The following ATP2A1 variants were observed in gnomAD, a reference collection of about 807,000 sequenced individuals.
ATP2A1 encodes sarcoplasmic/endoplasmic reticulum calcium ATPase 1.
In ATP2A1, 83 loss-of-function variants were observed where a neutral mutation model predicts 109.5. That is an observed-to-expected ratio of 0.76 (90% confidence interval 0.63 to 0.91). The LOEUF (loss-of-function observed/expected upper bound fraction) is 0.91, where lower values mean the gene tolerates loss of function less well. ATP2A1 is among the 40% of genes least tolerant of loss of function. The pLI is 0.00. For synonymous variants in ATP2A1, 505 were observed against 537.6 expected, an observed-to-expected ratio of 0.94 and a Z score of 0.84; for missense variants, 1,101 against 1,341.0, an observed-to-expected ratio of 0.82 and a Z score of 2.80.
intron 15 of ATP2A1, among the ~76,000 whole-genome samples, chr16:28,901,478 C>A (rs1964070858): frequency 6.6e-6 from 1 of 151,794 alleles, no homozygotes; most frequent in African/African-American, 2.4e-5. Context: ...CCAAAAAATA[C>A]AAAAATTGGC....
chr16:28,886,744 T>G (rs1963620825), intron 6 of ATP2A1, among the ~76,000 whole-genome samples: 1 of 150,084 alleles, frequency 6.7e-6, no homozygotes, highest in African/African-American at 2.5e-5. Flanking sequence ...CCCAGCACTT[T>G]GGGAGGCTGA....
rs1963653671 is a variant in ATP2A1, at chr16:28,887,732, C to G, written c.928+10C>G. 6.2e-7 allele frequency: 1 copy of G among 1,613,350 alleles called. No individual in the cohort carries two copies. The highest frequency in any genetic ancestry group is 8.5e-7 in the Non-Finnish European group (1 of 1,179,912). ...GCTGCCATCCCCGAAGGTATGAAAG[C>G]CTTTCTTTTCTCCTCCCATTTGCTA... is the stretch of plus-strand genomic sequence containing the variant. On this transcript the variant is annotated intron_variant, in intron 8 of 22. Transcript: ENST00000395503.
In ATP2A1 at chr16:28,878,537, A is replaced by T. The variant is rs888059335; in HGVS notation, c.-135A>T. The stretch of plus-strand genomic sequence containing the variant: ...GGTCAGAGCTTTGTGGAGGGAAGAA[A>T]AACCTGGAGGGGGCAGGAGAGTAAA... On this transcript the variant is annotated 5_prime_UTR_variant, in exon 1 of 23. Coordinates refer to ENST00000395503, the MANE Select transcript of ATP2A1 (RefSeq NM_004320.6). The T allele has an allele frequency of 1.2e-6, 1 of 823,118 alleles. No homozygotes were observed. The allele number at this position is 823,118 out of a possible 1,614,324, so 51.0% of individuals were successfully genotyped here. A position where few individuals can be genotyped will look rare whatever the true frequency, so the allele number is the denominator to read the frequency against.
chr16:28,902,952 C>T lies in ATP2A1; in HGVS notation c.2744+41C>T, dbSNP rs148516537. 4.1e-4 allele frequency: 655 copies of T among 1,613,608 alleles called. 9 individuals are homozygous for T. In the African/African-American group the frequency reaches 7.9e-3, roughly 19 times the overall value. On this transcript the variant is annotated intron_variant, in intron 19 of 22. Coordinates refer to ENST00000395503, the MANE Select transcript of ATP2A1 (RefSeq NM_004320.6). This position sits in a 1 kb window ranked among gnomAD's most constrained non-coding sequence, Gnocchi z 4.8. ...CTACACCCACCACCCTCCCCTGAGGCCACTGCCCACATCCTCCACTGTGCC... is the reference window on the plus strand; with the variant it reads ...CTACACCCACCACCCTCCCCTGAGGTCACTGCCCACATCCTCCACTGTGCC...
chr16:28,884,464 G>A, intron 5 of ATP2A1, 111 bp from the exon 6 acceptor site: 1 of 1,083,642 alleles, frequency 9.2e-7, no homozygotes, highest in South Asian at 1.3e-5. Context: ...GAGCCTCCCT[G>A]AGACCTGAAG....
At chr16:28,892,008 A>G (rs1963786184) in intron 9 of ATP2A1, among the ~76,000 whole-genome samples, 1 of 152,210 alleles carries the variant, frequency 6.6e-6, no homozygotes. Context: ...ACAACTTTGT[A>G]ATTTGGCAAC....
Position 28,894,493 on chromosome 16 carries a change from C to T in ATP2A1, c.1185-12C>T. 2 of 1,612,906 alleles carry T rather than the reference C, an allele frequency of 1.2e-6. No homozygotes were observed. Among genetic ancestry groups the T allele is most frequent in the Non-Finnish European group, 1.7e-6 (2 of 1,179,550 alleles). ...CTGTCTCTGTCCCTTCCTCCCCTGA[C>T]CCTGCTGCCAGCTTGAAGAATGATA... is the stretch of plus-strand genomic sequence containing the variant. On this transcript the variant is annotated splice_polypyrimidine_tract_variant and intron_variant, in intron 10 of 22. Coordinates refer to ENST00000395503, the MANE Select transcript of ATP2A1 (RefSeq NM_004320.6).
chr16:28,893,839 G>A (rs1040365637), intron 9 of ATP2A1, among the ~76,000 whole-genome samples: 1 of 151,818 alleles, frequency 6.6e-6, no homozygotes, highest in Non-Finnish European at 1.5e-5. Context: ...TAGTAGAGAC[G>A]GTTTCATCAT....
chr16:28,879,870 A>C, intron 3 of ATP2A1: 1 of 569,760 alleles, frequency 1.8e-6, no homozygotes, highest in Non-Finnish European at 2.5e-6. Context: ...TACCCACCCG[A>C]ACTCCGGGCT....
chr16:28,880,967 C>A lies in ATP2A1; in HGVS notation c.272C>A (p.Pro91His). 1 of 1,614,176 alleles carries A rather than the reference C, an allele frequency of 6.2e-7. No homozygotes were observed. Among genetic ancestry groups the A allele is most frequent in the Non-Finnish European group, 8.5e-7 (1 of 1,180,034 alleles). The change falls in exon 4 of 23, where the codon CCC becomes CAC. Residue 91 changes from proline to histidine, a missense_variant. Coordinates refer to ENST00000395503, the MANE Select transcript of ATP2A1 (RefSeq NM_004320.6). The surrounding 1 kb of genome is among the most constrained non-coding windows in gnomAD (Gnocchi z 4.2). The part of the protein sequence containing the change: ...GEETITAFVE[P>H]FVILLILIAN... Reference sequence around the variant, plus strand: ...GAGACCATCACTGCCTTTGTTGAACCCTTTGTCATCCTCTTGATCCTCATT... The same window carrying A: ...GAGACCATCACTGCCTTTGTTGAACACTTTGTCATCCTCTTGATCCTCATT...
Position 28,903,609 on chromosome 16 carries a change from C to A in ATP2A1, c.2981-91C>A. ...TGCAGGGGCCACATCTCCGGGGCAG[C>A]CCCACTGCCTCCTCAGCCCCCACAG... On this transcript the variant is annotated intron_variant, in intron 21 of 22. Transcript: ENST00000395503. This position sits in a 1 kb window ranked among gnomAD's most constrained non-coding sequence, Gnocchi z 5.6. 2 of 1,217,038 alleles carry A rather than the reference C, an allele frequency of 1.6e-6. No individual in the cohort carries two copies. Among genetic ancestry groups the A allele is most frequent in the Non-Finnish European group, 2.4e-6 (2 of 817,894 alleles). 75.4% of individuals were successfully genotyped at this position (1,217,038 alleles called of 1,614,324 possible). A position where few individuals can be genotyped will look rare whatever the true frequency, so the allele number is the denominator to read the frequency against.
At chr16:28,901,374 G>A (rs1169166063) in intron 15 of ATP2A1, among the ~76,000 whole-genome samples, 1 of 148,864 alleles carries the variant, frequency 6.7e-6, no homozygotes, top group African/African-American at 2.5e-5. Flanking sequence ...GCTCATGCCT[G>A]TAATCCCAGA....
rs1170462976 is a variant in ATP2A1, at chr16:28,881,032, C to T, written c.324+13C>T. 5 of 1,609,362 alleles carry T rather than the reference C, an allele frequency of 3.1e-6. No homozygotes were observed. In the South Asian group the frequency reaches 5.5e-5, roughly 18 times the overall value. The stretch of plus-strand genomic sequence containing the variant: ...GGGGGTTTGGCAGGTTAGCGTTGAC[C>T]CTTCCTTACCCCTTCATGTCCCAAC... On this transcript the variant is annotated intron_variant, in intron 4 of 22. Transcript: ENST00000395503.
At chr16:28,892,131 A>C (rs1963788859) in intron 9 of ATP2A1, among the ~76,000 whole-genome samples, 1 of 152,206 alleles carries the variant, frequency 6.6e-6, no homozygotes, top group African/African-American at 2.4e-5. Context: ...AGAGATCTGC[A>C]ACAGTGGTAA....
rs1488302670 is a variant in ATP2A1, at chr16:28,879,485, T to TTGCCTCCTCCCCC, written c.137-15_137-3dup. On this transcript the variant is annotated splice_polypyrimidine_tract_variant and intron_variant, in intron 2 of 22. Transcript: ENST00000395503. Reference sequence around the variant, plus strand: ...TAGACCTTAACCCGGGGCCCTCCCCTTGCCTCCTCCCCCAGGGAAGACCCT... The same window carrying TTGCCTCCTCCCCC: ...TAGACCTTAACCCGGGGCCCTCCCCTTGCCTCCTCCCCCTGCCTCCTCCCCCAGGGAAGACCCT... 6.2e-7 allele frequency: 1 copy of TTGCCTCCTCCCCC among 1,613,120 alleles called. No individual in the cohort carries two copies. Among genetic ancestry groups the TTGCCTCCTCCCCC allele is most frequent in the Admixed American group, 1.7e-5 (1 of 60,002 alleles).
In ATP2A1 at chr16:28,902,262, C is replaced by T. The variant is rs756299309; in HGVS notation, c.2400C>T (p.Asp800=). Residue 800 remains aspartate, a synonymous_variant, in exon 17 of 23, where the codon GAC becomes GAT. Coordinates refer to ENST00000395503, the MANE Select transcript of ATP2A1 (RefSeq NM_004320.6). This position sits in a 1 kb window ranked among gnomAD's most constrained non-coding sequence, Gnocchi z 4.8. ...TGCTATGGGTGAACTTGGTGACCGA[C>T]GGGCTCCCAGCCACAGCCCTGGGCT... ...VQLLWVNLVT[D]GLPATALGFN... 7.1e-5 allele frequency: 114 copies of T among 1,614,014 alleles called. No individual in the cohort carries two copies. The highest frequency in any genetic ancestry group is 8.6e-5 in the Non-Finnish European group (102 of 1,180,022).
At chr16:28,882,319 A>G in intron 4 of ATP2A1, 132 bp from the exon 5 acceptor site, 1 of 1,352,908 alleles carries the variant, frequency 7.4e-7, no homozygotes, top group African/African-American at 1.4e-5. Flanking sequence ...TTTCACCTGT[A>G]GGTGACAGTT....
intron 12 of ATP2A1, among the ~76,000 whole-genome samples, chr16:28,895,782 G>A (rs2152210268): frequency 6.6e-6 from 1 of 152,160 alleles, no homozygotes; most frequent in East Asian, 1.9e-4. Context: ...GAGGACTGCT[G>A]GAGCCCAGGA....
In ATP2A1 at chr16:28,902,441, T is replaced by C; in HGVS notation, c.2524+55T>C. On this transcript the variant is annotated intron_variant, in intron 17 of 22. Coordinates refer to ENST00000395503, the MANE Select transcript of ATP2A1 (RefSeq NM_004320.6). This position sits in a 1 kb window ranked among gnomAD's most constrained non-coding sequence, Gnocchi z 4.8. ...CACCCCTTGGGACTAACCCCCTCTC[T>C]GGGACACCAGCTCCCCCATGCAGGT... The C allele has an allele frequency of 6.3e-7, 1 of 1,596,088 alleles. No individual in the cohort carries two copies. Among genetic ancestry groups the C allele is most frequent in the East Asian group, 2.2e-5 (1 of 44,596 alleles).
Sources: allele counts gnomAD v4.1 joint callset (sites outside exome capture counted in the v4.1 genomes callset), GRCh38; gene constraint gnomAD v4.1.1; non-coding constraint Gnocchi (gnomAD v3.1); transcripts MANE v1.5; gene names NCBI Gene and HGNC (gene_info 2026-07-23, HGNC 2026-07-21).